The following SPATA21 variants were observed in gnomAD, a reference collection of about 807,000 sequenced individuals.
The protein encoded by SPATA21 is spermatogenesis associated 21, also known as spermatogenesis-associated protein 21.
In SPATA21, 47 loss-of-function variants were observed where a neutral mutation model predicts 54.8. The ratio of observed to expected loss-of-function variants is 0.86; its 90% CI spans 0.68 to 1.09. The LOEUF is 1.09. SPATA21 is among the 50% of genes least tolerant of loss of function. The pLI is 0.00. For missense variants in SPATA21, 599 were observed against 596.4 expected, an observed-to-expected ratio of 1.00 and a Z score of -0.05; for synonymous variants, 245 against 235.3, an observed-to-expected ratio of 1.04 and a Z score of -0.38.
At chr1:16,429,521 C>T (rs565416168) in intron 3 of SPATA21, among the ~76,000 whole-genome samples, 1 of 152,194 alleles carries the variant, frequency 6.6e-6, no homozygotes, top group East Asian at 1.9e-4. Flanking sequence ...GTTGCCCAGG[C>T]TGGAGTGCAA....
chr1:16,409,093 A>G lies in SPATA21; in HGVS notation c.673+25T>C. 1 of 1,612,752 alleles carries G rather than the reference A, an allele frequency of 6.2e-7. No homozygotes were observed. Among genetic ancestry groups the G allele is most frequent in the Non-Finnish European group, 8.5e-7 (1 of 1,179,016 alleles). On this transcript the variant is annotated intron_variant, in intron 7 of 12. Transcript: ENST00000335496. The surrounding 1 kb of genome is among the most constrained non-coding windows in gnomAD (Gnocchi z 4.1). ...GACCAAGGGTCCTGCCTGTGCTGGG[A>G]CCTCCCTGACCTCCCTGCCCTCACC...
At position 16,410,153 on chromosome 1, in the gene SPATA21, G is replaced by C. The variant is rs1045594193; in HGVS notation, c.145-110C>G. The C allele has an allele frequency of 6.7e-6, 6 of 890,198 alleles. No homozygotes were observed. In the African/African-American group the frequency reaches 1.0e-4, roughly 15 times the overall value. 55.1% of individuals were successfully genotyped at this position (890,198 alleles called of 1,614,324 possible). A position where few individuals can be genotyped will look rare whatever the true frequency, so the allele number is the denominator to read the frequency against. On this transcript the variant is annotated intron_variant, in intron 5 of 12. Transcript: ENST00000335496. ...ATCCTCAGACTGCCCCTTACTCTCT[G>C]AGCCTTTGGAGGATGTACCCCAAAT... is the stretch of plus-strand genomic sequence containing the variant.
At chr1:16,401,564 GGGATT>G (rs1356973465) in intron 10 of SPATA21, among the ~76,000 whole-genome samples, 1 of 152,102 alleles carries the variant, frequency 6.6e-6, no homozygotes, top group Non-Finnish European at 1.5e-5. Flanking sequence ...CCAAAGTGTT[GGGATT>G]ACAGGCGTGA....
chr1:16,436,174 G>A lies in SPATA21; in HGVS notation c.-187+954C>T, dbSNP rs989072428. 1.4e-3 allele frequency among the ~76,000 whole-genome samples: 206 copies of A among 152,220 alleles called. 1 individual carries two copies. The highest frequency in any genetic ancestry group is 1.0e-3 in the Non-Finnish European group (69 of 68,024). The stretch of plus-strand genomic sequence containing the variant: ...GGCCGAGGCGGGCAGATCACCTGAG[G>A]TTGGGAGTTTGAGACCAGCCTGACC... On this transcript the variant is annotated intron_variant, in intron 1 of 12. Coordinates refer to ENST00000335496, the MANE Select transcript of SPATA21 (RefSeq NM_198546.1).
intron 5 of SPATA21, among the ~76,000 whole-genome samples, chr1:16,420,314 G>A (rs1044953570): frequency 2.0e-5 from 3 of 152,006 alleles, no homozygotes; most frequent in Admixed American, 2.0e-4. Flanking sequence ...AAGCGGAGGA[G>A]GTGAGGGGGA....
At chr1:16,396,744 T>G (rs2085318177), downstream of SPATA21, 2 of 152,420 alleles carry the variant, frequency 1.3e-5, no homozygotes, top group African/African-American at 2.4e-5. Context: ...CCTCGTTGGT[T>G]CCCTGTGGGA....
At chr1:16,424,917 ATTTT>A (rs2086280435) in intron 3 of SPATA21, 1 of 275,074 alleles carries the variant, frequency 3.6e-6, no homozygotes, top group Non-Finnish European at 7.1e-6. Context: ...ACTTATTTTT[ATTTT>A]ATTTTTATTT....
At chr1:16,418,797 C>T (rs896826681) in intron 5 of SPATA21, among the ~76,000 whole-genome samples, 1 of 152,212 alleles carries the variant, frequency 6.6e-6, no homozygotes, top group Non-Finnish European at 1.5e-5. Context: ...TTGCCTCGGC[C>T]TCCCAAAGTG....
At chr1:16,416,928 G>C (rs1210575038) in intron 5 of SPATA21, among the ~76,000 whole-genome samples, 1 of 152,134 alleles carries the variant, frequency 6.6e-6, no homozygotes, top group Admixed American at 6.6e-5. Flanking sequence ...CTGAGCCTTG[G>C]GGCCCAGGCT....
intron 3 of SPATA21, 79 bp downstream of exon 3, chr1:16,431,258 TA>T: frequency 6.2e-7 from 1 of 1,613,348 alleles, no homozygotes; most frequent in Non-Finnish European, 8.5e-7. Flanking sequence ...TGACTCCTGG[TA>T]TGATGGGCTC....
intron 5 of SPATA21, among the ~76,000 whole-genome samples, chr1:16,413,954 C>T (rs1290521978): frequency 1.3e-5 from 2 of 152,074 alleles, no homozygotes; most frequent in South Asian, 2.1e-4. Flanking sequence ...TTTTACATTC[C>T]CACCAGCAGT....
At chr1:16,419,785 C>CA (rs1557663767) in intron 5 of SPATA21, among the ~76,000 whole-genome samples, 1 of 151,996 alleles carries the variant, frequency 6.6e-6, no homozygotes, top group Non-Finnish European at 1.5e-5. Flanking sequence ...ACTAAAAATA[C>CA]AAAAATTAAC....
chr1:16,405,151 T>C (rs3106498), intron 7 of SPATA21, 47 bp from the exon 8 acceptor site: 1,555,597 of 1,565,358 alleles, frequency 0.99, 773,392 homozygotes, highest in East Asian at 1. Context: ...TTCTTGTTTC[T>C]GTCATTCATC....
intron 7 of SPATA21, among the ~76,000 whole-genome samples, chr1:16,407,578 G>GC (rs1213786431): frequency 6.6e-6 from 1 of 151,954 alleles, no homozygotes. Flanking sequence ...TTGTGCCTCA[G>GC]CCCCCTGAGT....
chr1:16,426,706 A>G, intron 3 of SPATA21, among the ~76,000 whole-genome samples: 1 of 149,798 alleles, frequency 6.7e-6, no homozygotes. Context: ...TCAGCCTCCC[A>G]AGTAGCTGGG....
Position 16,421,526 on chromosome 1 carries a change from C to A in SPATA21, c.127G>T (p.Gly43Trp). The A allele has an allele frequency of 6.2e-7, 1 of 1,613,656 alleles. No homozygotes were observed. Among genetic ancestry groups the A allele is most frequent in the South Asian group, 1.1e-5 (1 of 90,980 alleles). Residue 43 changes from glycine to tryptophan, a missense_variant, in exon 5 of 13, where the codon GGG becomes TGG. Coordinates refer to ENST00000335496, the MANE Select transcript of SPATA21 (RefSeq NM_198546.1). The surrounding 1 kb of genome is among the most constrained non-coding windows in gnomAD (Gnocchi z 5.2). ...CTACTTACTGGTGGAGGAAGAGGCC[C>A]CGGTGCTGGGTGGGTCTCCACAGCC... is the stretch of plus-strand genomic sequence containing the variant. The part of the protein sequence containing the change: ...GEAVETHPAP[G>W]PLPPPEVRDI...
At chr1:16,419,912 C>T (rs2086121355) in intron 5 of SPATA21, among the ~76,000 whole-genome samples, 1 of 152,110 alleles carries the variant, frequency 6.6e-6, no homozygotes, top group Admixed American at 6.6e-5. Context: ...TGCACTTCAG[C>T]CTGGGCAACA....
At chr1:16,435,757 A>G (rs565382773) in intron 1 of SPATA21, among the ~76,000 whole-genome samples, 7 of 152,072 alleles carry the variant, frequency 4.6e-5, no homozygotes, top group African/African-American at 7.2e-5. Context: ...CTGGGATTAC[A>G]TGCATGAGTC....
At chr1:16,426,581 T>TATATATATATATATATATA (rs1341237564) in intron 3 of SPATA21, among the ~76,000 whole-genome samples, 4 of 67,758 alleles carry the variant, frequency 5.9e-5, no homozygotes, top group East Asian at 7.6e-4. Flanking sequence ...ATATATATAT[T>TATATATATATATATATATA]TTTTTTTTTT....
Sources: allele counts gnomAD v4.1 joint callset (sites outside exome capture counted in the v4.1 genomes callset), GRCh38; gene constraint gnomAD v4.1.1; non-coding constraint Gnocchi (gnomAD v3.1); transcripts MANE v1.5; gene names NCBI Gene and HGNC (gene_info 2026-07-23, HGNC 2026-07-21).